NFU1: variants seen among roughly 807,000 people sequenced by gnomAD.
NFU1 encodes the protein NFU1 iron-sulfur cluster scaffold homolog, mitochondrial.
In NFU1, 30 loss-of-function variants were observed where a neutral mutation model predicts 32.2. The ratio of observed to expected loss-of-function variants is 0.93; its 90% CI spans 0.70 to 1.26. The LOEUF is 1.26. Ranked by LOEUF, NFU1 falls within the 50% of genes most tolerant of loss-of-function variation. The pLI is 0.00. For synonymous variants in NFU1, 112 were observed against 104.6 expected (o/e 1.07, Z -0.43); for missense variants, 306 against 306.6 (o/e 1.00, Z 0.02).
chr2:69,405,979 G>A, intron 6 of NFU1, 43 bp downstream of exon 6: 1 of 1,227,642 alleles, frequency 8.1e-7, no homozygotes, highest in South Asian at 1.2e-5. Flanking sequence ...AATGAAAAAT[G>A]CCTCCAAAGC....
At chr2:69,429,898 A>G in intron 2 of NFU1, 1 of 207,214 alleles carries the variant, frequency 4.8e-6, no homozygotes, top group South Asian at 4.9e-5. Flanking sequence ...GTGTGTTGGT[A>G]CGCACCTGTA....
chr2:69,426,459 T>C (rs1409783539), intron 2 of NFU1, among the ~76,000 whole-genome samples: 1 of 150,092 alleles, frequency 6.7e-6, no homozygotes, highest in Admixed American at 6.6e-5. Context: ...CTAATTTTTG[T>C]ATTTTTAGTA....
intron 6 of NFU1, among the ~76,000 whole-genome samples, chr2:69,404,230 G>A (rs972780455): frequency 8.0e-5 from 12 of 150,276 alleles, no homozygotes; most frequent in East Asian, 2.0e-4. Context: ...GGTGACCCAC[G>A]CCTGTAATCC....
chr2:69,400,379 T>C lies in NFU1; in HGVS notation c.705A>G (p.Val235=). 6.2e-7 allele frequency: 1 copy of C among 1,614,092 alleles called. No homozygotes were observed. The highest frequency in any genetic ancestry group is 1.6e-4 in the Middle Eastern group (1 of 6,062). Residue 235 remains valine, a synonymous_variant, in exon 7 of 8, where the codon GTA becomes GTG. Transcript: ENST00000410022. ...ATTGGCATACCTGTTCTACGCCTTCTACCTCCGGAATATAAAACTGCAGCA... is the reference window on the plus strand; with the variant it reads ...ATTGGCATACCTGTTCTACGCCTTCCACCTCCGGAATATAAAACTGCAGCA... The part of the protein sequence containing the change: ...QNMLQFYIPE[V]EGVEQVMDDE...
At chr2:69,434,778 T>C (rs574559208) in intron 1 of NFU1, among the ~76,000 whole-genome samples, 1 of 152,312 alleles carries the variant, frequency 6.6e-6, no homozygotes, top group African/African-American at 2.4e-5. Flanking sequence ...AAGAGTTTAA[T>C]TCACATGGAG....
chr2:69,430,307 G>A (rs981979328), intron 2 of NFU1, among the ~76,000 whole-genome samples: 2 of 151,752 alleles, frequency 1.3e-5, no homozygotes, highest in Non-Finnish European at 2.9e-5. Context: ...CAACCTCCTA[G>A]GCTCAAGTGA....
intron 6 of NFU1, among the ~76,000 whole-genome samples, chr2:69,405,488 T>C (rs6759021): frequency 0.13 from 19,828 of 152,190 alleles, 1,433 homozygotes; most frequent in Non-Finnish European, 0.16. Flanking sequence ...TTCCCTTCTC[T>C]CCAGGATCTT....
At chr2:69,438,163 A>T (rs1391909479), upstream of NFU1, among the ~76,000 whole-genome samples, 2 of 152,212 alleles carry the variant, frequency 1.3e-5, no homozygotes, top group Non-Finnish European at 2.9e-5. Flanking sequence ...AATGCACGTT[A>T]GAACATGTTA....
intron 3 of NFU1, among the ~76,000 whole-genome samples, chr2:69,420,494 C>A (rs1673201853): frequency 6.6e-6 from 1 of 152,176 alleles, no homozygotes; most frequent in South Asian, 2.1e-4. Flanking sequence ...ACTACCCCTA[C>A]CAAATCCTGT....
At chr2:69,401,153 G>A (rs375944583) in intron 6 of NFU1, among the ~76,000 whole-genome samples, 98 of 152,150 alleles carry the variant, frequency 6.4e-4, no homozygotes, top group African/African-American at 2.3e-3. Flanking sequence ...AATCATGTAT[G>A]CACAGTTCAC....
intron 6 of NFU1, among the ~76,000 whole-genome samples, chr2:69,404,113 C>T (rs957224405): frequency 6.6e-6 from 1 of 150,832 alleles, no homozygotes; most frequent in African/African-American, 2.4e-5. Context: ...GCTGGGATTA[C>T]AGGCGTGAGG....
At chr2:69,434,208 G>A (rs529892817) in intron 1 of NFU1, among the ~76,000 whole-genome samples, 3 of 150,244 alleles carry the variant, frequency 2.0e-5, no homozygotes, top group East Asian at 2.0e-4. Context: ...GCAGTGGTGC[G>A]ATCTTGGCTC....
intron 6 of NFU1, among the ~76,000 whole-genome samples, chr2:69,402,638 A>G (rs1028728987): frequency 1.3e-5 from 2 of 151,964 alleles, no homozygotes; most frequent in African/African-American, 4.8e-5. Context: ...CTGGAGTGCA[A>G]TGGCTCGATC....
chr2:69,435,405 G>C (rs1673795874), intron 1 of NFU1, among the ~76,000 whole-genome samples: 1 of 152,190 alleles, frequency 6.6e-6, no homozygotes, highest in African/African-American at 2.4e-5. Flanking sequence ...AAATAGGCAA[G>C]AAGCAACAGC....
chr2:69,408,734 T>TTATATATATATATATATATATATATA, intron 5 of NFU1, among the ~76,000 whole-genome samples: 1 of 136,434 alleles, frequency 7.3e-6, no homozygotes, highest in East Asian at 2.2e-4. Flanking sequence ...ATATAAAATT[T>TTATATATATATATATATATATATATA]TATATATATA....
chr2:69,412,029 T>C (rs370260413), intron 5 of NFU1, among the ~76,000 whole-genome samples: 1 of 152,280 alleles, frequency 6.6e-6, no homozygotes, highest in Non-Finnish European at 1.5e-5. Flanking sequence ...CTGGGCAACC[T>C]AACAAGATCT....
At chr2:69,404,861 C>T (rs1672646702) in intron 6 of NFU1, among the ~76,000 whole-genome samples, 1 of 149,186 alleles carries the variant, frequency 6.7e-6, no homozygotes, top group Admixed American at 6.7e-5. Flanking sequence ...CTTAGGTGAT[C>T]CACCTACCTC....
intron 3 of NFU1, among the ~76,000 whole-genome samples, chr2:69,423,218 C>T (rs113124536): frequency 6.3e-4 from 10 of 15,926 alleles, no homozygotes; most frequent in Non-Finnish European, 8.3e-4. Context: ...TGGGGGGGGG[C>T]GGGTAGAGAT....
At chr2:69,418,264 G>T (rs1021485048) in intron 4 of NFU1, among the ~76,000 whole-genome samples, 1 of 152,080 alleles carries the variant, frequency 6.6e-6, no homozygotes, top group Admixed American at 6.6e-5. Flanking sequence ...GTTGGACATG[G>T]TGGTATGCAC....
Sources: gnomAD v4.1 joint callset for allele counts (sites outside exome capture counted in the v4.1 genomes callset) on GRCh38, gnomAD v4.1.1 for gene constraint, MANE v1.5 for transcripts, NCBI Gene and HGNC (gene_info 2026-07-23, HGNC 2026-07-21) for gene names.